The following TRPM3 variants were observed in gnomAD, a reference collection of about 807,000 sequenced individuals.
The protein encoded by TRPM3 is long transient receptor potential channel 3.
In TRPM3, 77 loss-of-function variants were observed where a neutral mutation model predicts 181.2. The observed-to-expected ratio is 0.42, with a 90% confidence interval of 0.35 to 0.51. The LOEUF (loss-of-function observed/expected upper bound fraction) is 0.51. Ranked by LOEUF, TRPM3 falls within the 20% of genes least tolerant of loss-of-function variation. The pLI, the probability that TRPM3 is intolerant of heterozygous loss-of-function variation, is 0.01. For synonymous variants in TRPM3, 745 were observed against 796.4 expected (o/e 0.94, Z 1.09); for missense variants, 1,759 against 2,196.7 (o/e 0.80, Z 3.98).
chr9:70,541,554 C>T (rs2043362435), intron 25 of TRPM3, among the ~76,000 whole-genome samples: 1 of 147,328 alleles, frequency 6.8e-6, no homozygotes, highest in Non-Finnish European at 1.5e-5. Context: ...TCTTGTTGCC[C>T]AGGCTGGAGT....
intron 7 of TRPM3, chr9:70,774,348 T>G (rs2080929109): frequency 6.6e-6 from 1 of 152,586 alleles, no homozygotes; most frequent in Non-Finnish European, 1.5e-5. Flanking sequence ...TTTCTCTTCC[T>G]TATGGTTTTC....
At chr9:70,596,108 T>G (rs2058971730) in intron 21 of TRPM3, among the ~76,000 whole-genome samples, 1 of 152,202 alleles carries the variant, frequency 6.6e-6, no homozygotes, top group Non-Finnish European at 1.5e-5. Flanking sequence ...CCACCAACTA[T>G]GAGCCAGACA....
intron 1 of TRPM3, among the ~76,000 whole-genome samples, chr9:71,423,858 G>A (rs2093819354): frequency 6.6e-6 from 1 of 152,040 alleles, no homozygotes. Context: ...GACAACACCA[G>A]AGTAATCCAC....
At chr9:70,875,028 ATTAT>A (rs1320674974) in intron 1 of TRPM3, among the ~76,000 whole-genome samples, 1 of 151,912 alleles carries the variant, frequency 6.6e-6, no homozygotes, top group Non-Finnish European at 1.5e-5. Flanking sequence ...CTGAGGTCAA[ATTAT>A]TTATCCTCAC....
chr9:70,596,460 G>A (rs1277347255), intron 21 of TRPM3, among the ~76,000 whole-genome samples: 1 of 152,152 alleles, frequency 6.6e-6, no homozygotes, highest in Non-Finnish European at 1.5e-5. Context: ...AGCCAGGCAT[G>A]GTGGCTCACA....
chr9:71,251,043 G>C (rs2082314223), intron 1 of TRPM3, among the ~76,000 whole-genome samples: 4 of 152,152 alleles, frequency 2.6e-5, no homozygotes, highest in Admixed American at 2.6e-4. Flanking sequence ...TAGAGAAATG[G>C]ATGGATGAAT....
At chr9:71,435,596 T>A (rs1002576218) in intron 1 of TRPM3, among the ~76,000 whole-genome samples, 1 of 152,206 alleles carries the variant, frequency 6.6e-6, no homozygotes, top group Non-Finnish European at 1.5e-5. Context: ...TATCATGGAT[T>A]TAAAGACACC....
intron 1 of TRPM3, among the ~76,000 whole-genome samples, chr9:71,149,291 T>C (rs1238285026): frequency 6.6e-6 from 1 of 152,094 alleles, no homozygotes; most frequent in African/African-American, 2.4e-5. Flanking sequence ...TGCTCCCAGC[T>C]ACTTGGGAAA....
chr9:71,045,108 T>G (rs1232497400), intron 1 of TRPM3, among the ~76,000 whole-genome samples: 1 of 147,674 alleles, frequency 6.8e-6, no homozygotes, highest in African/African-American at 2.5e-5. Flanking sequence ...TTATTATTAT[T>G]ATTTTGGAGA....
chr9:71,255,678 C>T (rs977958140), intron 1 of TRPM3, among the ~76,000 whole-genome samples: 2 of 152,166 alleles, frequency 1.3e-5, no homozygotes, highest in African/African-American at 4.8e-5. Flanking sequence ...TGAGCAAAAA[C>T]ATACCTTTGC....
chr9:71,215,033 C>CAAAAA (rs67349189), intron 1 of TRPM3, among the ~76,000 whole-genome samples: 1,689 of 104,374 alleles, frequency 0.016, 9 homozygotes, highest in East Asian at 0.025. Flanking sequence ...CACCAAAAAA[C>CAAAAA]AAAAAAAAAA....
intron 5 of TRPM3, among the ~76,000 whole-genome samples, chr9:70,829,569 A>G (rs751932208): frequency 6.6e-6 from 1 of 152,202 alleles, no homozygotes; most frequent in African/African-American, 2.4e-5. Context: ...TGTAGCATTA[A>G]TTTAATGTAG....
chr9:71,102,118 T>G (rs958755724), intron 1 of TRPM3, among the ~76,000 whole-genome samples: 9 of 152,192 alleles, frequency 5.9e-5, no homozygotes, highest in Non-Finnish European at 1.3e-4. Context: ...TTTTGGCTAA[T>G]CACATAATCA....
At chr9:71,364,088 G>C (rs1224637874) in intron 1 of TRPM3, among the ~76,000 whole-genome samples, 2 of 151,984 alleles carry the variant, frequency 1.3e-5, no homozygotes, top group Non-Finnish European at 2.9e-5. Context: ...TCTCACAATA[G>C]GGTGATGAGA....
intron 1 of TRPM3, among the ~76,000 whole-genome samples, chr9:71,305,500 A>G (rs1452190057): frequency 3.9e-5 from 6 of 152,224 alleles, no homozygotes; most frequent in Admixed American, 3.9e-4. Context: ...GGTAAATAAA[A>G]TTACAAGAAA....
chr9:70,579,781 G>GC (rs1403865277), intron 22 of TRPM3, among the ~76,000 whole-genome samples: 1 of 152,186 alleles, frequency 6.6e-6, no homozygotes, highest in African/African-American at 2.4e-5. Flanking sequence ...CTGGGCATCT[G>GC]CCAGGACCCT....
intron 1 of TRPM3, among the ~76,000 whole-genome samples, chr9:70,929,570 A>T (rs572895506): frequency 6.6e-6 from 1 of 152,214 alleles, no homozygotes; most frequent in East Asian, 1.9e-4. Context: ...TGTTTTCCAA[A>T]GTTACATGTT....
Position 71,392,935 on chromosome 9 carries a change from G to A in TRPM3, c.183+53718C>T, listed in dbSNP as rs570009429. Among the ~76,000 whole-genome samples the A allele has an allele frequency of 5.3e-5, 8 of 152,236 alleles. No homozygotes were observed. In the South Asian group the frequency reaches 1.7e-3, roughly 32 times the overall value. On this transcript the variant is annotated intron_variant, in intron 1 of 24. Coordinates refer to the TRPM3 transcript ENST00000357533. ...AAGTAATGTTTTGGAATGTTATTTGGTAGGAATATAGAACAATGTAGAAAG... is the reference window on the plus strand; with the variant it reads ...AAGTAATGTTTTGGAATGTTATTTGATAGGAATATAGAACAATGTAGAAAG...
intron 1 of TRPM3, among the ~76,000 whole-genome samples, chr9:71,374,929 A>G (rs1285846918): frequency 6.6e-6 from 1 of 152,206 alleles, no homozygotes. Flanking sequence ...ACCACTACTC[A>G]AAGAAATCAG....
Sources: gnomAD v4.1 joint callset for allele counts (sites outside exome capture counted in the v4.1 genomes callset) on GRCh38, gnomAD v4.1.1 for gene constraint, MANE v1.5 for transcripts, NCBI Gene and HGNC (gene_info 2026-07-23, HGNC 2026-07-21) for gene names.